ADAMTSL1: variants seen among roughly 807,000 people sequenced by gnomAD.
ADAMTSL1 encodes the protein ADAMTS-like protein 1.
In ADAMTSL1, 126 loss-of-function variants were observed where a neutral mutation model predicts 201.8. The observed-to-expected ratio is 0.62, with a 90% CI of 0.54 to 0.72. The LOEUF (loss-of-function observed/expected upper bound fraction) is 0.72, where lower values mean the gene tolerates loss of function less well. ADAMTSL1 is among the 30% of genes least tolerant of loss of function. ADAMTSL1 has a pLI of 0.00. For synonymous variants in ADAMTSL1, 1,121 were observed against 903.4 expected, an observed-to-expected ratio of 1.24 and a Z score of -4.32; for missense variants, 2,679 against 2,277.8, an observed-to-expected ratio of 1.18 and a Z score of -3.59.
chr9:18,352,081 T>G (rs527896576), intron 2 of ADAMTSL1, among the ~76,000 whole-genome samples: 19 of 152,292 alleles, frequency 1.2e-4, no homozygotes, highest in African/African-American at 4.6e-4. Context: ...TTTAGTATCT[T>G]AAGTTCAAAA....
chr9:18,364,561 A>G (rs1836684446), intron 2 of ADAMTSL1, among the ~76,000 whole-genome samples: 1 of 152,200 alleles, frequency 6.6e-6, no homozygotes, highest in African/African-American at 2.4e-5. Flanking sequence ...TCCAATCAGT[A>G]AAAACAATAA....
intron 2 of ADAMTSL1, among the ~76,000 whole-genome samples, chr9:18,214,505 C>T (rs937997486): frequency 3.9e-5 from 6 of 151,980 alleles, no homozygotes; most frequent in African/African-American, 9.7e-5. Flanking sequence ...CATCTGATGG[C>T]GATGCCAACT....
intron 15 of ADAMTSL1, among the ~76,000 whole-genome samples, chr9:18,726,152 T>G (rs964085221): frequency 3.3e-5 from 5 of 152,184 alleles, no homozygotes; most frequent in Non-Finnish European, 1.5e-5. Flanking sequence ...AAACGTGATT[T>G]TTAAAAATTC....
intron 2 of ADAMTSL1, among the ~76,000 whole-genome samples, chr9:18,345,654 C>A (rs184714263): frequency 6.6e-6 from 1 of 152,116 alleles, no homozygotes; most frequent in East Asian, 1.9e-4. Context: ...TATTTTGTGG[C>A]AAAGTTATCT....
intron 2 of ADAMTSL1, among the ~76,000 whole-genome samples, chr9:18,360,877 G>T (rs1262464176): frequency 3.3e-5 from 5 of 152,008 alleles, no homozygotes; most frequent in Non-Finnish European, 7.4e-5. Context: ...CCAGAAAAAT[G>T]GACTCCAAAA....
chr9:17,914,473 C>T (rs1029303304), intron 1 of ADAMTSL1, among the ~76,000 whole-genome samples: 1 of 152,110 alleles, frequency 6.6e-6, no homozygotes, highest in African/African-American at 2.4e-5. Context: ...ATTCAGCAAC[C>T]CTTCATGCTA....
chr9:18,514,235 C>T (rs1180570550), intron 2 of ADAMTSL1, among the ~76,000 whole-genome samples: 2 of 144,868 alleles, frequency 1.4e-5, no homozygotes, highest in Non-Finnish European at 3.0e-5. Context: ...GTATTTTATT[C>T]TTTTTGATGT....
At position 18,519,998 on chromosome 9, in the gene ADAMTSL1, C is replaced by T. The variant is rs192402210; in HGVS notation, c.192-13249C>T. On this transcript the variant is annotated intron_variant, in intron 2 of 28. Coordinates refer to ENST00000380548, the MANE Select transcript of ADAMTSL1 (RefSeq NM_001040272.6). The stretch of plus-strand genomic sequence containing the variant: ...AGCATGTCTTTCTTTGAAGAACAGG[C>T]AGGGATATGTAAAATCATACTTGTT... Among the ~76,000 whole-genome samples the T allele has an allele frequency of 3.9e-5, 6 of 152,162 alleles. No homozygotes were observed. The East Asian group carries it at 1.2e-3, about 29-fold the overall frequency.
At position 18,314,552 on chromosome 9, in the gene ADAMTSL1, A is replaced by G. The variant is rs796813671; in HGVS notation, c.207+150571A>G. Among the ~76,000 whole-genome samples, 151 of 150,268 alleles carry G rather than the reference A, an allele frequency of 1.0e-3. 1 individual carries two copies. Among genetic ancestry groups the G allele is most frequent in the African/African-American group, 3.2e-3 (127 of 40,052 alleles). On this transcript the variant is annotated intron_variant, in intron 2 of 29. Transcript: ENST00000680146. Reference sequence around the variant, plus strand: ...AGAGTTGTTCCTTCCTCCCGTCCGCAGTTGTTCCTTCCTCCCGTCTGGAGT... The same window carrying G: ...AGAGTTGTTCCTTCCTCCCGTCCGCGGTTGTTCCTTCCTCCCGTCTGGAGT...
At chr9:17,914,072 A>G (rs1825992278) in intron 1 of ADAMTSL1, among the ~76,000 whole-genome samples, 1 of 152,224 alleles carries the variant, frequency 6.6e-6, no homozygotes, top group Non-Finnish European at 1.5e-5. Flanking sequence ...ATGAATTCAC[A>G]GCCGAATTCT....
At chr9:18,206,021 C>G (rs552726448) in intron 2 of ADAMTSL1, among the ~76,000 whole-genome samples, 1 of 123,136 alleles carries the variant, frequency 8.1e-6, no homozygotes, top group East Asian at 2.8e-4. Flanking sequence ...GTCATTGCAC[C>G]TCACCCTGGG....
intron 2 of ADAMTSL1, among the ~76,000 whole-genome samples, chr9:18,166,571 G>C (rs1485509507): frequency 1.3e-5 from 2 of 151,830 alleles, no homozygotes; most frequent in Non-Finnish European, 2.9e-5. Flanking sequence ...GTAAACTCAG[G>C]GATGTTTGCC....
chr9:18,617,889 C>G (rs962781202), intron 4 of ADAMTSL1, among the ~76,000 whole-genome samples: 1 of 152,174 alleles, frequency 6.6e-6, no homozygotes, highest in African/African-American at 2.4e-5. Context: ...CTGCATCCAG[C>G]TGACACCTCA....
At chr9:18,468,832 G>A (rs948763012) in intron 2 of ADAMTSL1, among the ~76,000 whole-genome samples, 12 of 152,156 alleles carry the variant, frequency 7.9e-5, no homozygotes, top group African/African-American at 2.7e-4. Flanking sequence ...AGTCTTGTAG[G>A]GAGAACCGTA....
chr9:18,563,403 C>T (rs1821662718), intron 3 of ADAMTSL1, among the ~76,000 whole-genome samples: 1 of 152,170 alleles, frequency 6.6e-6, no homozygotes, highest in African/African-American at 2.4e-5. Context: ...CAGAGGGGCA[C>T]CCACCAGATG....
chr9:18,378,507 C>T (rs1181181312), intron 2 of ADAMTSL1, among the ~76,000 whole-genome samples: 1 of 152,156 alleles, frequency 6.6e-6, no homozygotes, highest in African/African-American at 2.4e-5. Context: ...ACTTGAGAAG[C>T]ACATCCAAAC....
chr9:18,407,780 CT>C (rs1818268188), intron 2 of ADAMTSL1, among the ~76,000 whole-genome samples: 1 of 152,058 alleles, frequency 6.6e-6, no homozygotes. Context: ...ATTATCTCAC[CT>C]TTGGCTGAAT....
chr9:18,558,780 C>A (rs183798044), intron 3 of ADAMTSL1, among the ~76,000 whole-genome samples: 1 of 151,758 alleles, frequency 6.6e-6, no homozygotes, highest in African/African-American at 2.4e-5. Flanking sequence ...AGTTTTTTTT[C>A]GTATGTTTGT....
intron 1 of ADAMTSL1, among the ~76,000 whole-genome samples, chr9:18,007,155 ACAC>A (rs1436534899): frequency 1.3e-5 from 2 of 152,036 alleles, no homozygotes; most frequent in African/African-American, 2.4e-5. Flanking sequence ...AGTGTTGTTA[ACAC>A]AGTTTAAGCC....
Sources: allele counts gnomAD v4.1 joint callset (sites outside exome capture counted in the v4.1 genomes callset), GRCh38; gene constraint gnomAD v4.1.1; transcripts MANE v1.5; gene names NCBI Gene and HGNC (gene_info 2026-07-23, HGNC 2026-07-21).